Variants in PIP5K1C observed in about 807,000 individuals in gnomAD.
PIP5K1C encodes the protein phosphatidylinositol-4-phosphate 5-kinase type 1 gamma, also known as phosphatidylinositol 4-phosphate 5-kinase type-1 gamma.
In PIP5K1C, 45 loss-of-function variants were observed where a neutral mutation model predicts 80.1. The observed-to-expected ratio is 0.56, with a 90% CI of 0.44 to 0.72. The LOEUF is 0.72. PIP5K1C is among the 30% of genes least tolerant of loss of function. PIP5K1C has a pLI of 0.00. For missense variants in PIP5K1C, 753 were observed against 954.6 expected, an observed-to-expected ratio of 0.79 and a Z score of 2.78; for synonymous variants, 498 against 420.1, an observed-to-expected ratio of 1.19 and a Z score of -2.27.
At chr19:3,634,492 T>G (rs1400898980) in intron 16 of PIP5K1C, among the ~76,000 whole-genome samples, 1 of 152,186 alleles carries the variant, frequency 6.6e-6, no homozygotes, top group East Asian at 1.9e-4. Flanking sequence ...GTGCCAGGCC[T>G]GAATACACAC....
chr19:3,647,500 C>A, intron 9 of PIP5K1C, 114 bp from the exon 10 acceptor site: 1 of 916,664 alleles, frequency 1.1e-6, no homozygotes, highest in South Asian at 1.4e-5. Context: ...CTCAAGCAGT[C>A]GTGGCTGTCA....
At chr19:3,686,578 C>A (rs757629827) in intron 1 of PIP5K1C, among the ~76,000 whole-genome samples, 1 of 151,098 alleles carries the variant, frequency 6.6e-6, no homozygotes, top group Non-Finnish European at 1.5e-5. Context: ...ATTAGCCAGA[C>A]GTGATGGCGG....
intron 1 of PIP5K1C, among the ~76,000 whole-genome samples, chr19:3,671,066 GAA>G (rs984307254): frequency 1.3e-5 from 2 of 152,210 alleles, no homozygotes; most frequent in African/African-American, 4.8e-5. Flanking sequence ...GGAAGGAAAA[GAA>G]GAGAGGGCAG....
chr19:3,642,238 C>T (rs2033992824), intron 14 of PIP5K1C, among the ~76,000 whole-genome samples: 1 of 152,234 alleles, frequency 6.6e-6, no homozygotes, highest in Non-Finnish European at 1.5e-5. Flanking sequence ...GGGTTTCTTT[C>T]ACCAGGCGGC....
Position 3,633,034 on chromosome 19 carries a change from G to A in PIP5K1C, c.*133C>T. On this transcript the variant is annotated 3_prime_UTR_variant, in exon 18 of 18. Transcript: ENST00000335312. ...GGCCCGGCCGTCGGCATCCGTGCAG[G>A]GGGAGGACGAGGTCCGGTGGGGCGG... 1 of 646,612 alleles carries A rather than the reference G, an allele frequency of 1.5e-6. No individual in the cohort carries two copies. The highest frequency in any genetic ancestry group is 2.9e-6 in the Non-Finnish European group (1 of 350,402). 40.1% of individuals were successfully genotyped at this position (646,612 alleles called of 1,614,324 possible).
intron 1 of PIP5K1C, among the ~76,000 whole-genome samples, chr19:3,678,221 A>C (rs12979721): frequency 9.4e-6 from 1 of 106,662 alleles, no homozygotes; most frequent in Non-Finnish European, 1.9e-5. Context: ...AGATGGAGGG[A>C]CGGAGGGATG....
chr19:3,666,524 T>C (rs1273113844), intron 2 of PIP5K1C, among the ~76,000 whole-genome samples: 2 of 151,750 alleles, frequency 1.3e-5, no homozygotes, highest in African/African-American at 4.8e-5. Flanking sequence ...CAGGCAAACG[T>C]GTACATACGC....
chr19:3,681,579 G>C (rs747167432), intron 1 of PIP5K1C, among the ~76,000 whole-genome samples: 6 of 152,010 alleles, frequency 3.9e-5, no homozygotes, highest in African/African-American at 1.5e-4. Context: ...GCTGCAGCTC[G>C]TACACACATC....
intron 16 of PIP5K1C, among the ~76,000 whole-genome samples, chr19:3,635,975 G>A (rs1028394970): frequency 1.3e-5 from 2 of 151,524 alleles, no homozygotes; most frequent in Non-Finnish European, 2.9e-5. Flanking sequence ...ACGAGACTCT[G>A]TCTCAAAAAA....
rs373032388 is a variant in PIP5K1C, at chr19:3,640,922, C to T, written c.1787+783G>A. On this transcript the variant is annotated intron_variant, in intron 15 of 17. Coordinates refer to ENST00000335312, the MANE Select transcript of PIP5K1C (RefSeq NM_012398.3). ...CAGGATGGTCTCGATCTCCTGACCT[C>T]GTGATCCGCCTGCCTCAGCCTCCCA... 1.4e-4 allele frequency among the ~76,000 whole-genome samples: 21 copies of T among 152,162 alleles called. No individual in the cohort carries two copies. The East Asian group carries it at 3.5e-3, about 25-fold the overall frequency.
At chr19:3,640,464 C>T (rs1429335052) in intron 15 of PIP5K1C, among the ~76,000 whole-genome samples, 5 of 151,932 alleles carry the variant, frequency 3.3e-5, no homozygotes, top group Non-Finnish European at 7.4e-5. Flanking sequence ...TGCAGTGAGC[C>T]GAAATCGTGC....
intron 6 of PIP5K1C, among the ~76,000 whole-genome samples, chr19:3,654,727 T>C (rs931201354): frequency 6.7e-6 from 1 of 150,296 alleles, no homozygotes; most frequent in Non-Finnish European, 1.5e-5. Flanking sequence ...GGCAGGAGAA[T>C]CACTTGAACC....
At chr19:3,633,223 C>G in intron 17 of PIP5K1C, 54 bp from the exon 18 acceptor site, 2 of 739,568 alleles carry the variant, frequency 2.7e-6, no homozygotes, top group South Asian at 2.9e-5. Flanking sequence ...CCACCCCAGG[C>G]CCCCTGCCAG....
Position 3,637,800 on chromosome 19 carries a change from C to T in PIP5K1C, c.1920+1084G>A, listed in dbSNP as rs1434617259. On this transcript the variant is annotated intron_variant, in intron 16 of 17. Coordinates refer to ENST00000335312, the MANE Select transcript of PIP5K1C (RefSeq NM_012398.3). This position sits in a 1 kb window ranked among gnomAD's most constrained non-coding sequence, Gnocchi z 7.0. ...GCAGGACCGAGGACCCTTCTCCCTTCTCTGCTGCCCACCTGGCAGGGCATC... is the reference window on the plus strand; with the variant it reads ...GCAGGACCGAGGACCCTTCTCCCTTTTCTGCTGCCCACCTGGCAGGGCATC... 5 of 1,534,624 alleles carry T rather than the reference C, an allele frequency of 3.3e-6. No homozygotes were observed. The highest frequency in any genetic ancestry group is 4.4e-6 in the Non-Finnish European group (5 of 1,146,662).
At chr19:3,693,171 G>A (rs968227426) in intron 1 of PIP5K1C, among the ~76,000 whole-genome samples, 2 of 152,148 alleles carry the variant, frequency 1.3e-5, no homozygotes, top group African/African-American at 4.8e-5. Context: ...GCACACGCAG[G>A]AAAGCACACG....
intron 5 of PIP5K1C, among the ~76,000 whole-genome samples, chr19:3,658,209 A>G (rs1170506093): frequency 1.3e-5 from 2 of 152,228 alleles, no homozygotes; most frequent in East Asian, 1.9e-4. Context: ...CGGTCAACAC[A>G]GGCTGGATTT....
chr19:3,662,044 C>T lies in PIP5K1C; in HGVS notation c.220-43G>A, dbSNP rs72620516. 2.0e-4 allele frequency: 310 copies of T among 1,546,722 alleles called. 1 individual carries two copies. The East Asian group carries it at 5.9e-3, about 29-fold the overall frequency. ...TGTCAGGGCCCCCGGCTGCTCCCCA[C>T]GCTGCCCTGCACCCCCTGTGTGCAC... On this transcript the variant is annotated intron_variant, in intron 3 of 17. Coordinates refer to ENST00000335312, the MANE Select transcript of PIP5K1C (RefSeq NM_012398.3).
chr19:3,643,469 G>A, intron 12 of PIP5K1C, 88 bp from the exon 13 acceptor site: 2 of 1,543,660 alleles, frequency 1.3e-6, no homozygotes, highest in Non-Finnish European at 1.8e-6. Flanking sequence ...CTCACCCTGG[G>A]AACCCACAGC....
At chr19:3,649,824 T>A (rs2034366293) in intron 8 of PIP5K1C, 1 of 128,292 alleles carries the variant, frequency 7.8e-6, no homozygotes, top group Admixed American at 8.4e-5. Context: ...TGCCCACACG[T>A]CCCCTGCCCA....
Sources: allele counts gnomAD v4.1 joint callset (sites outside exome capture counted in the v4.1 genomes callset), GRCh38; gene constraint gnomAD v4.1.1; non-coding constraint Gnocchi (gnomAD v3.1); transcripts MANE v1.5; gene names NCBI Gene and HGNC (gene_info 2026-07-23, HGNC 2026-07-21).